HHIPL1: variants seen among roughly 807,000 people sequenced by gnomAD.
The protein encoded by HHIPL1 is HHIP like 1.
HHIPL1 carries 43 observed loss-of-function variants against 61.8 expected under a neutral mutation model. The ratio of observed to expected loss-of-function variants is 0.70; its 90% CI spans 0.55 to 0.90. The LOEUF is 0.90. HHIPL1 is among the 40% of genes least tolerant of loss of function. HHIPL1 has a pLI of 0.00. For missense variants in HHIPL1, 1,056 were observed against 1,157.7 expected (o/e 0.91, Z 1.28); for synonymous variants, 482 against 515.8 (o/e 0.93, Z 0.89).
intron 4 of HHIPL1, 141 bp downstream of exon 4, chr14:99,659,897 C>A: frequency 1.3e-6 from 1 of 767,750 alleles, no homozygotes; most frequent in Non-Finnish European, 2.0e-6. Context: ...CGGCCCCACT[C>A]TATGGGCTGT....
chr14:99,645,316 C>T lies in HHIPL1; in HGVS notation c.109C>T (p.Arg37Cys). 1 of 1,454,448 alleles carries T rather than the reference C, an allele frequency of 6.9e-7. No homozygotes were observed. Among genetic ancestry groups the T allele is most frequent in the Non-Finnish European group, 9.0e-7 (1 of 1,108,270 alleles). 90.1% of individuals were successfully genotyped at this position (1,454,448 alleles called of 1,614,324 possible). A position where few individuals can be genotyped will look rare whatever the true frequency, so the allele number is the denominator to read the frequency against. Residue 37 changes from arginine (R) to cysteine (C), a missense_variant, in exon 1 of 9, where the codon CGC becomes TGC. Coordinates refer to ENST00000330710, the MANE Select transcript of HHIPL1 (RefSeq NM_001127258.3). The part of the protein sequence containing the change: ...RPPFRPTQPL[R>C]LCAQYSDFGC... ...GCCCTTCCGGCCGACGCAGCCGCTG[C>T]GCCTCTGCGCGCAGTACTCGGACTT...
upstream of HHIPL1, among the ~76,000 whole-genome samples, chr14:99,642,961 T>C (rs2055772007): frequency 6.6e-6 from 1 of 152,234 alleles, no homozygotes; most frequent in African/African-American, 2.4e-5. Context: ...ATATTAGTCA[T>C]AGTTATTTTA....
At chr14:99,642,642 C>T (rs556732685), upstream of HHIPL1, among the ~76,000 whole-genome samples, 72 of 152,006 alleles carry the variant, frequency 4.7e-4, no homozygotes, top group Admixed American at 1.4e-3. Context: ...TCTCCTGCCT[C>T]GGCCTCCCAA....
chr14:99,651,007 G>A (rs1189566701), intron 1 of HHIPL1, among the ~76,000 whole-genome samples: 1 of 152,214 alleles, frequency 6.6e-6, no homozygotes, highest in Non-Finnish European at 1.5e-5. Flanking sequence ...TCAGCACTAT[G>A]GGAGGCTGAA....
intron 1 of HHIPL1, among the ~76,000 whole-genome samples, chr14:99,647,767 A>G (rs1408071806): frequency 2.0e-5 from 3 of 152,120 alleles, no homozygotes; most frequent in Non-Finnish European, 4.4e-5. Context: ...TGCCTTATTC[A>G]TAGGTCTCTG....
chr14:99,657,922 CACATACAT>C lies in HHIPL1; in HGVS notation c.1046+783_1046+790del, dbSNP rs1228748977. 2.7e-5 allele frequency among the ~76,000 whole-genome samples: 4 copies of C among 146,632 alleles called. No homozygotes were observed. The South Asian group carries it at 6.3e-4, about 23-fold the overall frequency. On this transcript the variant is annotated intron_variant, in intron 3 of 8. Transcript: ENST00000330710. ...ACATCCACATGTACACACACATACA[CACATACAT>C]ACACATACACACATCTACATACATA...
At position 99,659,605 on chromosome 14, in the gene HHIPL1, G is replaced by T. The variant is rs368769913; in HGVS notation, c.1224G>T (p.Ser408=). 238 of 1,550,126 alleles carry T rather than the reference G, an allele frequency of 1.5e-4. No homozygotes were observed. In the African/African-American group the frequency reaches 3.0e-3, roughly 20 times the overall value. The part of the protein sequence containing the change: ...RCSFDRGDPS[S]GTGRGRLFCG... ...CCTTCGACCGTGGCGACCCCTCCTC[G>T]GGCACTGGCCGCGGGCGCCTCTTCT... The change falls in exon 4 of 9, where the codon TCG becomes TCT. Residue 408 remains serine (S), a synonymous_variant. Transcript: ENST00000330710.
intron 1 of HHIPL1, among the ~76,000 whole-genome samples, chr14:99,651,551 A>G (rs141409825): frequency 8.5e-5 from 13 of 152,160 alleles, no homozygotes; most frequent in African/African-American, 3.1e-4. Context: ...AAACTAAACC[A>G]TGCGTGAGAA....
Position 99,656,871 on chromosome 14 carries a change from G to A in HHIPL1, c.903-129G>A, listed in dbSNP as rs568338032. The stretch of plus-strand genomic sequence containing the variant: ...AGGAAGGAAGGAAGGAAGGAAGGAA[G>A]GAAGGAAGGAAGGAAGGAAGGAAGG... On this transcript the variant is annotated intron_variant, in intron 2 of 8. Coordinates refer to ENST00000330710, the MANE Select transcript of HHIPL1 (RefSeq NM_001127258.3). 668 of 74,250 alleles carry A rather than the reference G, an allele frequency of 9.0e-3. 152 individuals are homozygous for A. The highest frequency in any genetic ancestry group is 0.018 in the Admixed American group (74 of 4,116). The allele number at this position is 74,250 out of a possible 1,614,324, so 4.6% of individuals were successfully genotyped here.
intron 2 of HHIPL1, among the ~76,000 whole-genome samples, chr14:99,653,839 A>T (rs1404040945): frequency 6.6e-6 from 1 of 152,234 alleles, no homozygotes; most frequent in Non-Finnish European, 1.5e-5. Flanking sequence ...AAACCCTGTA[A>T]CAGGTAACTC....
the HHIPL1 span, among the ~76,000 whole-genome samples, chr14:99,628,591 A>G: frequency 3.3e-4 from 50 of 151,726 alleles, 1 homozygote; most frequent in Admixed American, 2.7e-3. Context: ...CAAAAAAAAA[A>G]AAAAAGAAAA....
chr14:99,633,979 C>G, the HHIPL1 span, among the ~76,000 whole-genome samples: 2 of 152,296 alleles, frequency 1.3e-5, no homozygotes, highest in Admixed American at 6.5e-5. Flanking sequence ...AGGGCTGTAG[C>G]CCAGGGACAC....
chr14:99,633,099 G>A, the HHIPL1 span, among the ~76,000 whole-genome samples: 2 of 152,080 alleles, frequency 1.3e-5, no homozygotes, highest in Admixed American at 6.5e-5. Context: ...CACACAGGAA[G>A]GCGAGAAGCC....
At chr14:99,606,617 T>C in the HHIPL1 span, among the ~76,000 whole-genome samples, 1 of 152,222 alleles carries the variant, frequency 6.6e-6, no homozygotes, top group Non-Finnish European at 1.5e-5. Flanking sequence ...TCCGCTGAAC[T>C]TCCAAGAAGA....
intron 5 of HHIPL1, among the ~76,000 whole-genome samples, chr14:99,662,582 C>T (rs562793553): frequency 7.2e-5 from 11 of 152,250 alleles, no homozygotes; most frequent in Non-Finnish European, 1.3e-4. Flanking sequence ...ACAGAGGGCC[C>T]GGTACCCAGA....
intron 2 of HHIPL1, among the ~76,000 whole-genome samples, chr14:99,653,704 C>A (rs370563197): frequency 6.6e-6 from 1 of 152,228 alleles, no homozygotes; most frequent in Non-Finnish European, 1.5e-5. Context: ...TGGGCTTTTG[C>A]TCCTCTCAAC....
chr14:99,674,496 C>T (rs1292500679), intron 8 of HHIPL1, among the ~76,000 whole-genome samples: 20 of 152,108 alleles, frequency 1.3e-4, no homozygotes, highest in Admixed American at 1.0e-3. Flanking sequence ...TGTGACAACC[C>T]GCTGGTGCCA....
At chr14:99,662,779 A>C in intron 5 of HHIPL1, 97 bp from the exon 6 acceptor site, 1 of 1,138,126 alleles carries the variant, frequency 8.8e-7, no homozygotes, top group Non-Finnish European at 1.3e-6. Flanking sequence ...GGAGGGAGGA[A>C]TGGATACATG....
the HHIPL1 span, among the ~76,000 whole-genome samples, chr14:99,619,410 C>T: frequency 6.7e-6 from 1 of 149,532 alleles, no homozygotes; most frequent in African/African-American, 2.5e-5. Flanking sequence ...TGCAGTGGGC[C>T]GAGATCGCAC....
Sources: allele counts gnomAD v4.1 joint callset (sites outside exome capture counted in the v4.1 genomes callset), GRCh38; gene constraint gnomAD v4.1.1; transcripts MANE v1.5; gene names NCBI Gene and HGNC (gene_info 2026-07-23, HGNC 2026-07-21).